The following UHRF2 variants were observed in gnomAD, a reference collection of about 807,000 sequenced individuals.
The protein encoded by UHRF2 is ubiquitin like with PHD and ring finger domains 2, also known as E3 ubiquitin-protein ligase UHRF2.
In UHRF2, 23 loss-of-function variants were observed where a neutral mutation model predicts 96.8. That is an observed-to-expected ratio of 0.24 (90% CI 0.17 to 0.34). The LOEUF is 0.34. UHRF2 is among the 10% of genes least tolerant of loss of function. The pLI is 1.00. For missense variants in UHRF2, 685 were observed against 981.5 expected (o/e 0.70, Z 4.04); for synonymous variants, 385 against 332.6 (o/e 1.16, Z -1.72).
intron 6 of UHRF2, among the ~76,000 whole-genome samples, chr9:6,481,017 C>T (rs1563793184): frequency 6.6e-6 from 1 of 152,126 alleles, no homozygotes; most frequent in African/African-American, 2.4e-5. Context: ...TGCTTGGTGA[C>T]ATAAGAATAG....
chr9:6,452,139 C>T (rs1821911708), intron 3 of UHRF2, among the ~76,000 whole-genome samples: 1 of 151,486 alleles, frequency 6.6e-6, no homozygotes, highest in African/African-American at 2.4e-5. Flanking sequence ...TTTCTCATTT[C>T]TTTTTTATAG....
Position 6,486,901 on chromosome 9 carries a change from G to A in UHRF2, c.1473G>A (p.Leu491=), listed in dbSNP as rs556722972. ...RSNDGAYSLV[L]AGGFADEVDR... is the part of the protein sequence containing the mutation. ...ATGATGGGGCTTATTCTCTTGTACT[G>A]GCTGGTGGATTTGCGGATGAAGTCG... Residue 491 remains leucine, a synonymous_variant, in exon 9 of 16, where the codon CTG becomes CTA. Transcript: ENST00000276893. 6.2e-7 allele frequency: 1 copy of A among 1,614,098 alleles called. No individual in the cohort carries two copies. Among genetic ancestry groups the A allele is most frequent in the African/African-American group, 1.3e-5 (1 of 75,050 alleles).
intron 5 of UHRF2, among the ~76,000 whole-genome samples, chr9:6,476,594 T>C (rs926573304): frequency 6.6e-6 from 1 of 152,114 alleles, no homozygotes; most frequent in Non-Finnish European, 1.5e-5. Context: ...TTTTTTTGTT[T>C]GTTTTTTGTT....
In UHRF2 at chr9:6,498,178, G is replaced by A. The variant is rs1051156455; in HGVS notation, c.1908+20G>A. The A allele has an allele frequency of 1.2e-6, 2 of 1,608,980 alleles. No individual in the cohort carries two copies. Among genetic ancestry groups the A allele is most frequent in the Non-Finnish European group, 1.7e-6 (2 of 1,178,082 alleles). ...TTACAGGTTAGATTACATTTGTCTA[G>A]GCTGCCTGTGTGTTCATAAAAATAT... On this transcript the variant is annotated intron_variant, in intron 12 of 15. Coordinates refer to ENST00000276893, the MANE Select transcript of UHRF2 (RefSeq NM_152896.3).
At chr9:6,422,140 A>G (rs1266866392) in intron 2 of UHRF2, among the ~76,000 whole-genome samples, 1 of 152,126 alleles carries the variant, frequency 6.6e-6, no homozygotes, top group Non-Finnish European at 1.5e-5. Flanking sequence ...GGTACTGCCA[A>G]ACTACTATAC....
intron 12 of UHRF2, 117 bp downstream of exon 12, chr9:6,498,275 G>A (rs1199378299): frequency 1.8e-6 from 2 of 1,118,934 alleles, no homozygotes; most frequent in Non-Finnish European, 2.5e-6. Flanking sequence ...TATAAGGGGT[G>A]AGGAATAAGA....
chr9:6,493,637 G>A (rs1256055530), intron 9 of UHRF2, among the ~76,000 whole-genome samples, 189 bp from the exon 10 acceptor site: 1 of 152,082 alleles, frequency 6.6e-6, no homozygotes, highest in Non-Finnish European at 1.5e-5. Flanking sequence ...GAAAGTGTTA[G>A]GTCAAGTTAT....
At chr9:6,448,459 G>C (rs1046612505) in intron 3 of UHRF2, among the ~76,000 whole-genome samples, 1 of 152,198 alleles carries the variant, frequency 6.6e-6, no homozygotes, top group African/African-American at 2.4e-5. Flanking sequence ...TCTAGAGCCA[G>C]GTGATCAGTT....
At chr9:6,487,195 T>TA (rs1824350159) in intron 9 of UHRF2, among the ~76,000 whole-genome samples, 1 of 132,574 alleles carries the variant, frequency 7.5e-6, no homozygotes, top group African/African-American at 2.9e-5. Context: ...TTTTTTTTTT[T>TA]TTTTTTTTTT....
intron 1 of UHRF2, 56 bp downstream of exon 1, chr9:6,413,699 C>A (rs562483940): frequency 1.4e-6 from 2 of 1,451,502 alleles, no homozygotes; most frequent in African/African-American, 2.9e-5. Flanking sequence ...AGCTGGGCTC[C>A]TCTGGACGCA....
At chr9:6,439,702 TTAAACTC>T in intron 3 of UHRF2, among the ~76,000 whole-genome samples, 1 of 152,328 alleles carries the variant, frequency 6.6e-6, no homozygotes, top group East Asian at 1.9e-4. Context: ...ATTATTAAAT[TTAAACTC>T]TAGAGATTTA....
Position 6,458,386 on chromosome 9 carries a change from C to A in UHRF2, c.645-2187C>A, listed in dbSNP as rs563377975. 2.0e-5 allele frequency among the ~76,000 whole-genome samples: 3 copies of A among 150,948 alleles called. No individual in the cohort carries two copies. The South Asian group carries it at 6.3e-4, about 32-fold the overall frequency. ...TGTCTATTTGGTTCTTCTCTCTTTT[C>A]TTCTATGTTAGTCTGGCTGGCAGTC... is the stretch of plus-strand genomic sequence containing the variant. On this transcript the variant is annotated intron_variant, in intron 3 of 15. Transcript: ENST00000276893.
At chr9:6,456,007 A>C (rs1252777257) in intron 3 of UHRF2, among the ~76,000 whole-genome samples, 1 of 152,220 alleles carries the variant, frequency 6.6e-6, no homozygotes, top group Non-Finnish European at 1.5e-5. Context: ...AAAAATATGT[A>C]AAATTGAAGA....
intron 9 of UHRF2, among the ~76,000 whole-genome samples, chr9:6,490,742 G>T (rs1176174830): frequency 6.6e-6 from 1 of 152,186 alleles, no homozygotes; most frequent in Non-Finnish European, 1.5e-5. Flanking sequence ...AAGTACTGAT[G>T]AACTGCTAAT....
intron 2 of UHRF2, among the ~76,000 whole-genome samples, chr9:6,421,769 G>A (rs1819944618): frequency 6.6e-6 from 1 of 152,052 alleles, no homozygotes; most frequent in South Asian, 2.1e-4. Context: ...ACTTCTCTCT[G>A]TGTCTCCCTA....
At chr9:6,427,747 A>G (rs1820339927) in intron 2 of UHRF2, among the ~76,000 whole-genome samples, 1 of 152,180 alleles carries the variant, frequency 6.6e-6, no homozygotes. Flanking sequence ...GCTCTGTTTG[A>G]TAACTGAGCA....
intron 2 of UHRF2, among the ~76,000 whole-genome samples, chr9:6,431,163 A>G (rs1356889165): frequency 6.6e-6 from 1 of 152,192 alleles, no homozygotes; most frequent in Non-Finnish European, 1.5e-5. Context: ...ATCTTGGCCT[A>G]TTCAAATTTT....
At chr9:6,478,628 TC>T (rs1272058174) in intron 6 of UHRF2, among the ~76,000 whole-genome samples, 1 of 152,228 alleles carries the variant, frequency 6.6e-6, no homozygotes, top group Admixed American at 6.5e-5. Flanking sequence ...GGAGGTTTTT[TC>T]TTTTTAAACT....
rs76250339 is a variant in UHRF2, at chr9:6,501,086, C to G, written c.2163+377C>G. Among the ~76,000 whole-genome samples the G allele has an allele frequency of 1.5e-3, 230 of 152,250 alleles. 1 individual carries two copies. The highest frequency in any genetic ancestry group is 3.0e-3 in the Non-Finnish European group (203 of 68,012). ...AGCAGTTCAGCACAATTTTCAAAAC[C>G]TACATGTTAAACTAAGTGGTAAAAT... On this transcript the variant is annotated intron_variant, in intron 14 of 15. Coordinates refer to ENST00000276893, the MANE Select transcript of UHRF2 (RefSeq NM_152896.3).
Sources: allele counts gnomAD v4.1 joint callset (sites outside exome capture counted in the v4.1 genomes callset), GRCh38; gene constraint gnomAD v4.1.1; transcripts MANE v1.5; gene names NCBI Gene and HGNC (gene_info 2026-07-23, HGNC 2026-07-21).